APBA2: variants seen among roughly 807,000 people sequenced by gnomAD.
The protein encoded by APBA2 is amyloid beta precursor protein binding family A member 2.
In APBA2, 30 loss-of-function variants were observed where a neutral mutation model predicts 75.0. The ratio of observed to expected loss-of-function variants is 0.40; its 90% CI spans 0.30 to 0.54. APBA2 has a LOEUF of 0.54. APBA2 is among the 20% of genes least tolerant of loss of function. APBA2 has a pLI of 0.49. For synonymous variants in APBA2, 444 were observed against 409.6 expected, an observed-to-expected ratio of 1.08 and a Z score of -1.01; for missense variants, 801 against 1,016.1, an observed-to-expected ratio of 0.79 and a Z score of 2.88.
At position 29,102,760 on chromosome 15, in the gene APBA2, A is replaced by G. The variant is rs370978789; in HGVS notation, c.1524+976A>G. On this transcript the variant is annotated intron_variant, in intron 10 of 14. Transcript: ENST00000683413. ...GGTGACAAGAGTGAAACTCCGTCTC[A>G]AAAAAAAAAAAAAATCTATCCTTCA... 2.0e-4 allele frequency: 3 copies of G among 14,882 alleles called. No homozygotes were observed. The Non-Finnish European group carries it at 0.023, about 116-fold the overall frequency. 0.9% of individuals were successfully genotyped at this position (14,882 alleles called of 1,614,324 possible). A position where few individuals can be genotyped will look rare whatever the true frequency, so the allele number is the denominator to read the frequency against.
chr15:28,900,838 C>A (rs2032805828), intron 1 of APBA2, among the ~76,000 whole-genome samples: 1 of 152,170 alleles, frequency 6.6e-6, no homozygotes. Context: ...CATTTGCTCA[C>A]CCCTTCACCC....
At chr15:28,939,900 A>G (rs562186148) in intron 2 of APBA2, among the ~76,000 whole-genome samples, 2 of 152,332 alleles carry the variant, frequency 1.3e-5, no homozygotes, top group East Asian at 1.9e-4. Context: ...CGTCCAGTCC[A>G]TAGTTCTGTG....
chr15:28,906,623 G>A (rs547971668), intron 1 of APBA2, among the ~76,000 whole-genome samples: 1 of 152,148 alleles, frequency 6.6e-6, no homozygotes, highest in African/African-American at 2.4e-5. Context: ...TGGGGCAGCG[G>A]TGTCCCCACT....
At chr15:28,895,099 C>T (rs559245524) in intron 1 of APBA2, among the ~76,000 whole-genome samples, 107 of 152,308 alleles carry the variant, frequency 7.0e-4, no homozygotes, top group African/African-American at 2.4e-3. Flanking sequence ...TCTAAAAGAA[C>T]GACAAAATCC....
At chr15:29,044,854 C>T (rs562373960) in intron 3 of APBA2, among the ~76,000 whole-genome samples, 1 of 152,298 alleles carries the variant, frequency 6.6e-6, no homozygotes, top group South Asian at 2.1e-4. Flanking sequence ...GTGGCTCCAA[C>T]AGCAGACATT....
chr15:29,053,717 G>A, intron 3 of APBA2, 128 bp from the exon 4 acceptor site: 1 of 632,610 alleles, frequency 1.6e-6, no homozygotes. Flanking sequence ...ATGGCGCACT[G>A]TTTGAACAGA....
intron 3 of APBA2, among the ~76,000 whole-genome samples, chr15:29,001,176 G>A (rs1566892886): frequency 1.3e-5 from 2 of 152,078 alleles, no homozygotes; most frequent in South Asian, 2.1e-4. Flanking sequence ...CAAGAAGTGT[G>A]TAGTCATCAC....
chr15:29,064,058 C>T (rs2042268830), intron 4 of APBA2, among the ~76,000 whole-genome samples: 2 of 152,118 alleles, frequency 1.3e-5, no homozygotes, highest in Admixed American at 1.3e-4. Flanking sequence ...ACTCCAGAGT[C>T]ACTGATTTGG....
In APBA2 at chr15:29,106,490, G is replaced by C. The variant is rs559463344; in HGVS notation, c.1705-117G>C. The C allele has an allele frequency of 1.6e-4, 189 of 1,191,100 alleles. 2 individuals carry two copies. The South Asian group carries it at 2.3e-3, about 15-fold the overall frequency. The allele number at this position is 1,191,100 out of a possible 1,614,324, so 73.8% of individuals were successfully genotyped here. On this transcript the variant is annotated intron_variant, in intron 11 of 14. Transcript: ENST00000683413. ...TCCTGGCTGAGATGAGCCAGCCTTG[G>C]ATCCCAGGGCAGGGCGGGATGTGCC...
intron 14 of APBA2, among the ~76,000 whole-genome samples, chr15:29,116,667 C>T (rs920795905): frequency 3.3e-5 from 5 of 152,024 alleles, no homozygotes; most frequent in Admixed American, 6.6e-5. Context: ...TGTCTTCCCC[C>T]ATTGAGCTCC....
chr15:28,983,347 T>A (rs1002472602), intron 2 of APBA2, among the ~76,000 whole-genome samples: 1 of 152,150 alleles, frequency 6.6e-6, no homozygotes, highest in Non-Finnish European at 1.5e-5. Context: ...AGATATGTAT[T>A]TGTGGTGTGT....
chr15:28,933,228 G>T (rs763000908), intron 2 of APBA2, among the ~76,000 whole-genome samples: 6 of 152,052 alleles, frequency 3.9e-5, no homozygotes, highest in African/African-American at 7.3e-5. Flanking sequence ...ATGAACTTTG[G>T]GGGGGCACAT....
chr15:29,018,911 C>G (rs2039811029), intron 3 of APBA2, among the ~76,000 whole-genome samples: 1 of 152,154 alleles, frequency 6.6e-6, no homozygotes, highest in African/African-American at 2.4e-5. Flanking sequence ...GCTTCTTTAA[C>G]TGGGACATGA....
intron 3 of APBA2, among the ~76,000 whole-genome samples, chr15:29,003,612 A>G (rs2038963161): frequency 6.6e-6 from 1 of 152,248 alleles, no homozygotes; most frequent in Non-Finnish European, 1.5e-5. Context: ...AGGTTGAGCC[A>G]GAGAAGCAGT....
intron 3 of APBA2, among the ~76,000 whole-genome samples, chr15:29,020,295 C>G (rs1291290613): frequency 7.0e-6 from 1 of 142,662 alleles, no homozygotes; most frequent in South Asian, 2.2e-4. Context: ...TTTTTTTTTT[C>G]TCATCCAGGT....
At chr15:29,045,752 A>G (rs1343795358) in intron 3 of APBA2, among the ~76,000 whole-genome samples, 1 of 152,210 alleles carries the variant, frequency 6.6e-6, no homozygotes, top group Non-Finnish European at 1.5e-5. Context: ...GGGTGGAACA[A>G]CTGTGAGTGG....
intron 3 of APBA2, among the ~76,000 whole-genome samples, chr15:29,029,609 AG>A (rs1054161937): frequency 6.6e-6 from 1 of 151,690 alleles, no homozygotes; most frequent in African/African-American, 2.4e-5. Context: ...TAGAATTATT[AG>A]GTATGATGAG....
intron 3 of APBA2, among the ~76,000 whole-genome samples, chr15:29,021,948 G>A (rs1332541416): frequency 5.3e-5 from 8 of 152,120 alleles, no homozygotes; most frequent in East Asian, 1.9e-4. Context: ...AGTTTCATCC[G>A]TGTGGCTGTA....
intron 1 of APBA2, among the ~76,000 whole-genome samples, chr15:28,908,901 A>G (rs534286386): frequency 1.3e-3 from 197 of 151,996 alleles, no homozygotes; most frequent in African/African-American, 4.7e-3. Flanking sequence ...AACTTTCTTC[A>G]TCTTGCAATC....
Sources: gnomAD v4.1 joint callset for allele counts (sites outside exome capture counted in the v4.1 genomes callset) on GRCh38, gnomAD v4.1.1 for gene constraint, MANE v1.5 for transcripts, NCBI Gene and HGNC (gene_info 2026-07-23, HGNC 2026-07-21) for gene names.